CNBD1: variants seen among roughly 807,000 people sequenced by gnomAD.
CNBD1 encodes the protein cyclic nucleotide-binding domain-containing protein 1.
Under a neutral mutation model 54.4 loss-of-function variants are expected in CNBD1, and 71 were observed. The observed-to-expected ratio is 1.30, with a 90% CI of 1.08 to 1.59. The LOEUF (loss-of-function observed/expected upper bound fraction) is 1.59, where lower values mean the gene tolerates loss of function less well. Ranked by LOEUF, CNBD1 falls within the 40% of genes most tolerant of loss-of-function variation. The pLI is 0.00. For missense variants in CNBD1, 659 were observed against 518.0 expected (o/e 1.27, Z -2.64); for synonymous variants, 182 against 170.7 (o/e 1.07, Z -0.51).
At position 87,335,606 on chromosome 8, in the gene CNBD1, G is replaced by A. The variant is rs969751452; in HGVS notation, c.1043-16079G>A. Among the ~76,000 whole-genome samples, 9 of 151,990 alleles carry A rather than the reference G, an allele frequency of 5.9e-5. 1 individual carries two copies. The highest frequency in any genetic ancestry group is 1.3e-4 in the Admixed American group (2 of 15,260). On this transcript the variant is annotated intron_variant, in intron 8 of 10. Coordinates refer to ENST00000518476, the MANE Select transcript of CNBD1 (RefSeq NM_173538.3). ...TTTGAGCCTACGTGTGTCTTTGCACGTAAGAGGGGTCTCTTGAATATAGCA... is the reference window on the plus strand; with the variant it reads ...TTTGAGCCTACGTGTGTCTTTGCACATAAGAGGGGTCTCTTGAATATAGCA...
chr8:87,342,984 C>T (rs1476240243), intron 8 of CNBD1, among the ~76,000 whole-genome samples: 1 of 152,160 alleles, frequency 6.6e-6, no homozygotes, highest in South Asian at 2.1e-4. Context: ...GGGCATATTT[C>T]AGTCCTTCTC....
chr8:87,085,703 T>C (rs1261924946), intron 4 of CNBD1, among the ~76,000 whole-genome samples: 1 of 152,132 alleles, frequency 6.6e-6, no homozygotes, highest in African/African-American at 2.4e-5. Context: ...TTCTTTTCTT[T>C]TCCCATGTTC....
chr8:87,227,958 C>T (rs1814545426), intron 5 of CNBD1, among the ~76,000 whole-genome samples: 1 of 150,226 alleles, frequency 6.7e-6, no homozygotes, highest in Middle Eastern at 3.4e-3. Context: ...TCTTTTTTCT[C>T]TAAACTTCCC....
chr8:87,111,612 C>G (rs1811664052), intron 4 of CNBD1, among the ~76,000 whole-genome samples: 2 of 152,136 alleles, frequency 1.3e-5, no homozygotes, highest in Non-Finnish European at 2.9e-5. Context: ...GGGTTGAGAA[C>G]TGGGAAAGGG....
rs895173064 is a variant in CNBD1 at position 87,390,461 on chromosome 8, AT to A, written c.213+36678del. On this transcript the variant is annotated intron_variant, in intron 2 of 7. Transcript: ENST00000521593. ...GAACAGACACTTCTCAAAAGAAGACATTTATGCAGCCAAAAGAAACATGAAA... is the reference window on the plus strand; with the variant it reads ...GAACAGACACTTCTCAAAAGAAGACATTATGCAGCCAAAAGAAACATGAAA... Among the ~76,000 whole-genome samples the A allele has an allele frequency of 7.4e-4, 112 of 152,348 alleles. 1 individual carries two copies. Among genetic ancestry groups the A allele is most frequent in the African/African-American group, 2.5e-3 (106 of 41,580 alleles).
intron 2 of CNBD1, among the ~76,000 whole-genome samples, chr8:86,895,756 T>C (rs536662232): frequency 1.3e-5 from 2 of 152,334 alleles, no homozygotes; most frequent in East Asian, 3.9e-4. Context: ...TGGATGAGGA[T>C]CTGTTCAGAT....
intron 4 of CNBD1, among the ~76,000 whole-genome samples, chr8:86,999,312 G>A (rs1005411056): frequency 3.9e-5 from 6 of 152,160 alleles, no homozygotes; most frequent in Non-Finnish European, 8.8e-5. Context: ...TCTGGTTATG[G>A]TGACTTCCTA....
chr8:87,149,736 G>T (rs967267134), intron 4 of CNBD1, among the ~76,000 whole-genome samples: 2 of 152,038 alleles, frequency 1.3e-5, no homozygotes, highest in African/African-American at 4.8e-5. Flanking sequence ...CTTTCTCTTA[G>T]CAAGTCAAAC....
chr8:86,980,584 G>A (rs1003662948), intron 4 of CNBD1, among the ~76,000 whole-genome samples: 1 of 152,148 alleles, frequency 6.6e-6, no homozygotes, highest in South Asian at 2.1e-4. Flanking sequence ...CTTCACTCAT[G>A]TATTGTAGAA....
At chr8:87,151,937 T>C (rs563685485) in intron 4 of CNBD1, among the ~76,000 whole-genome samples, 1 of 152,242 alleles carries the variant, frequency 6.6e-6, no homozygotes, top group East Asian at 1.9e-4. Flanking sequence ...TAGCTTCTTA[T>C]ATAACTTAAT....
At chr8:87,000,882 A>C (rs1808976898) in intron 4 of CNBD1, among the ~76,000 whole-genome samples, 1 of 152,254 alleles carries the variant, frequency 6.6e-6, no homozygotes, top group South Asian at 2.1e-4. Flanking sequence ...TTATCCATAT[A>C]AGTAGACTAG....
chr8:87,343,542 T>G (rs1810111212), intron 8 of CNBD1, among the ~76,000 whole-genome samples: 1 of 152,192 alleles, frequency 6.6e-6, no homozygotes, highest in African/African-American at 2.4e-5. Flanking sequence ...TTATAAAACA[T>G]GTAACTTATA....
At chr8:87,097,582 T>G (rs914790446) in intron 4 of CNBD1, among the ~76,000 whole-genome samples, 5 of 152,252 alleles carry the variant, frequency 3.3e-5, no homozygotes, top group African/African-American at 1.2e-4. Flanking sequence ...ATGTATGTCT[T>G]GTAGGGAAGA....
intron 4 of CNBD1, among the ~76,000 whole-genome samples, chr8:87,156,557 T>C (rs991129121): frequency 3.3e-5 from 5 of 152,034 alleles, no homozygotes; most frequent in African/African-American, 1.2e-4. Flanking sequence ...CATGATACTT[T>C]AAAAATACTT....
chr8:87,418,199 G>A (rs6468820), intron 2 of CNBD1, among the ~76,000 whole-genome samples: 85,875 of 151,646 alleles, frequency 0.57, 25,810 homozygotes, highest in African/African-American at 0.77. Flanking sequence ...AGACATATGG[G>A]CTAATAGAAT....
At chr8:87,018,895 G>A (rs191395065) in intron 4 of CNBD1, among the ~76,000 whole-genome samples, 2 of 152,058 alleles carry the variant, frequency 1.3e-5, no homozygotes, top group Non-Finnish European at 2.9e-5. Flanking sequence ...TGCCTAAACC[G>A]CTGGTAAAAC....
Position 87,254,826 on chromosome 8 carries a change from T to G in CNBD1, c.771+17714T>G, listed in dbSNP as rs536133226. 9.2e-5 allele frequency among the ~76,000 whole-genome samples: 14 copies of G among 152,310 alleles called. No homozygotes were observed. The East Asian group carries it at 2.7e-3, about 29-fold the overall frequency. On this transcript the variant is annotated intron_variant, in intron 6 of 10. Transcript: ENST00000518476. ...TTAGCGTTAGGTCAGTTCCTTGCTTTTACTCTGTTTTGAGGCTACTGTAAT... is the reference window on the plus strand; with the variant it reads ...TTAGCGTTAGGTCAGTTCCTTGCTTGTACTCTGTTTTGAGGCTACTGTAAT...
intron 4 of CNBD1, among the ~76,000 whole-genome samples, chr8:87,014,050 G>A (rs1809299285): frequency 6.6e-6 from 1 of 151,484 alleles, no homozygotes; most frequent in Admixed American, 6.6e-5. Context: ...ACATCTACAT[G>A]TTTATGTGTG....
At chr8:87,364,986 A>T (rs1810612649) in intron 10 of CNBD1, among the ~76,000 whole-genome samples, 1 of 151,988 alleles carries the variant, frequency 6.6e-6, no homozygotes. Context: ...AGAACTATTC[A>T]TATTCTTTTT....
Sources: gnomAD v4.1 joint callset for allele counts (sites outside exome capture counted in the v4.1 genomes callset) on GRCh38, gnomAD v4.1.1 for gene constraint, MANE v1.5 for transcripts, NCBI Gene and HGNC (gene_info 2026-07-23, HGNC 2026-07-21) for gene names.